Variants in TUSC3 observed in about 807,000 individuals in gnomAD.
TUSC3 encodes dolichyl-diphosphooligosaccharide--protein glycosyltransferase subunit TUSC3.
Under a neutral mutation model 44.8 loss-of-function variants are expected in TUSC3, and 45 were observed. That is an observed-to-expected ratio of 1.00 (90% CI 0.79 to 1.29). The LOEUF is 1.29. TUSC3 is among the 50% of genes most tolerant of loss of function. The pLI is 0.00. For synonymous variants in TUSC3, 212 were observed against 152.9 expected, an observed-to-expected ratio of 1.39 and a Z score of -2.85; for missense variants, 519 against 437.9, an observed-to-expected ratio of 1.19 and a Z score of -1.65.
At chr8:15,483,363 G>T in intron 1 of TUSC3, 1 of 220,942 alleles carries the variant, frequency 4.5e-6, no homozygotes, top group Non-Finnish European at 9.2e-6. Flanking sequence ...TTTTTGAGAC[G>T]GAGTTTCACT....
At chr8:15,487,899 ATTTT>A (rs11307186) in intron 2 of TUSC3, among the ~76,000 whole-genome samples, 4 of 138,362 alleles carry the variant, frequency 2.9e-5, no homozygotes, top group Non-Finnish European at 4.7e-5. Context: ...TGTGCTGGCA[ATTTT>A]TTTTTTTTTT....
chr8:15,610,121 A>G (rs1472624670), intron 1 of TUSC3, among the ~76,000 whole-genome samples: 7 of 152,148 alleles, frequency 4.6e-5, no homozygotes, highest in African/African-American at 1.4e-4. Flanking sequence ...TGATGAATAA[A>G]TTATAATCAG....
At chr8:15,468,301 C>G (rs1800440527) in intron 1 of TUSC3, among the ~76,000 whole-genome samples, 1 of 152,128 alleles carries the variant, frequency 6.6e-6, no homozygotes, top group Admixed American at 6.6e-5. Context: ...AAATAGAAGC[C>G]CACTGGGTGT....
Position 15,444,008 on chromosome 8 carries a change from C to T in TUSC3, n.91+26703C>T, listed in dbSNP as rs1037251676. On this transcript the variant is annotated intron_variant and non_coding_transcript_variant, in intron 1 of 5. Transcript: ENST00000503191. The stretch of plus-strand genomic sequence containing the variant: ...TTAAAAACTCTGACCCCTGAATGCT[C>T]GGGGAAACTGATTTAAGTAGTAATA... 3.6e-4 allele frequency among the ~76,000 whole-genome samples: 55 copies of T among 152,270 alleles called. 1 individual carries two copies. The highest frequency in any genetic ancestry group is 2.5e-3 in the Admixed American group (39 of 15,298).
chr8:15,460,177 C>G (rs925897509), intron 1 of TUSC3, among the ~76,000 whole-genome samples: 3 of 152,118 alleles, frequency 2.0e-5, no homozygotes, highest in Admixed American at 6.5e-5. Context: ...GTTCCCTGAT[C>G]TCTGCATCCA....
chr8:15,717,420 G>A (rs1810099177), intron 6 of TUSC3, among the ~76,000 whole-genome samples: 2 of 151,954 alleles, frequency 1.3e-5, no homozygotes, highest in Admixed American at 1.3e-4. Context: ...ATGTGATTTT[G>A]TTCATAGAAA....
chr8:15,629,656 T>C (rs990937160), intron 2 of TUSC3, among the ~76,000 whole-genome samples: 7 of 151,644 alleles, frequency 4.6e-5, no homozygotes, highest in African/African-American at 1.7e-4. Context: ...TATAATTGTT[T>C]AGGATCTTTG....
chr8:15,710,886 A>AAT (rs574835292), intron 6 of TUSC3, among the ~76,000 whole-genome samples: 2,625 of 147,988 alleles, frequency 0.018, 84 homozygotes, highest in African/African-American at 0.062. Context: ...TATAATATAA[A>AAT]ATATATATAT....
At chr8:15,791,805 C>G in the TUSC3 span, among the ~76,000 whole-genome samples, 1 of 152,090 alleles carries the variant, frequency 6.6e-6, no homozygotes, top group Non-Finnish European at 1.5e-5. Context: ...GTTTTTGTAT[C>G]TTCATAAAAT....
At chr8:15,726,390 G>A (rs10888110) in intron 6 of TUSC3, among the ~76,000 whole-genome samples, 36,109 of 151,974 alleles carry the variant, frequency 0.24, 4,774 homozygotes, top group African/African-American at 0.37. Flanking sequence ...TTTGTCTTCT[G>A]CATAAAATTG....
In TUSC3 at chr8:15,554,663, C is replaced by T. The variant is rs533417571; in HGVS notation, c.138+14095C>T. Among the ~76,000 whole-genome samples, 15 of 136,598 alleles carry T rather than the reference C, an allele frequency of 1.1e-4. No homozygotes were observed. The East Asian group carries it at 2.4e-3, about 22-fold the overall frequency. 89.6% of individuals were successfully genotyped at this position (136,598 alleles called of 152,430 possible). A position where few individuals can be genotyped will look rare whatever the true frequency, so the allele number is the denominator to read the frequency against. On this transcript the variant is annotated intron_variant, in intron 1 of 10. Transcript: ENST00000503731. ...TGTCGCCCAGGCTGGAGTGCAGTGGCGTGATTTCAGCTCACTGCAAGCTCT... is the reference window on the plus strand; with the variant it reads ...TGTCGCCCAGGCTGGAGTGCAGTGGTGTGATTTCAGCTCACTGCAAGCTCT...
At chr8:15,670,019 T>A (rs892347781) in intron 5 of TUSC3, among the ~76,000 whole-genome samples, 1 of 151,830 alleles carries the variant, frequency 6.6e-6, no homozygotes, top group Non-Finnish European at 1.5e-5. Context: ...TTTAAAAAAA[T>A]CTATTGTCAT....
chr8:15,658,008 TCATCCCACC>T (rs1169465533), intron 3 of TUSC3, among the ~76,000 whole-genome samples: 1 of 152,156 alleles, frequency 6.6e-6, no homozygotes, highest in Admixed American at 6.5e-5. Context: ...ATAATAGCAC[TCATCCCACC>T]CATGAGAGTG....
At chr8:15,810,946 G>A in the TUSC3 span, among the ~76,000 whole-genome samples, 1 of 152,174 alleles carries the variant, frequency 6.6e-6, no homozygotes, top group South Asian at 2.1e-4. Context: ...CAGATGCTGG[G>A]TGAGTAAGGA....
chr8:15,701,500 G>A (rs892016220), intron 6 of TUSC3, among the ~76,000 whole-genome samples: 5 of 152,096 alleles, frequency 3.3e-5, no homozygotes, highest in African/African-American at 1.2e-4. Flanking sequence ...AGTTAATTTT[G>A]TAGTCGATAT....
chr8:15,467,943 A>G (rs868500435), intron 1 of TUSC3, among the ~76,000 whole-genome samples: 2 of 152,324 alleles, frequency 1.3e-5, no homozygotes, highest in Middle Eastern at 6.8e-3. Context: ...ACAAATTTTA[A>G]AAACTAGTTA....
rs372396956 is a variant in TUSC3 at position 15,662,385 on chromosome 8, C to G, written c.708+89C>G. The stretch of plus-strand genomic sequence containing the variant: ...TATTAACAAAATGAGCCAGATATAA[C>G]TATAATAGAACTTAAGTCTGAATGA... On this transcript the variant is annotated intron_variant, in intron 5 of 10. Transcript: ENST00000503731. 6.7e-5 allele frequency: 104 copies of G among 1,554,558 alleles called. No individual in the cohort carries two copies. In the East Asian group the frequency reaches 1.9e-3, roughly 28 times the overall value.
intron 6 of TUSC3, among the ~76,000 whole-genome samples, chr8:15,679,950 A>C (rs1277528610): frequency 6.6e-6 from 1 of 151,944 alleles, no homozygotes; most frequent in Non-Finnish European, 1.5e-5. Flanking sequence ...CTGCATGTCT[A>C]TTTTTGTACC....
chr8:15,680,383 C>T lies in TUSC3; in HGVS notation c.798+6547C>T, dbSNP rs1319635693. ...TGGCAGTTGTGAATAAGAATGTGTT[C>T]TTGATTTGGTTCTTGACTTGAACGT... On this transcript the variant is annotated intron_variant, in intron 6 of 10. Coordinates refer to ENST00000503731, the MANE Select transcript of TUSC3 (RefSeq NM_006765.4). 2.0e-5 allele frequency among the ~76,000 whole-genome samples: 3 copies of T among 151,700 alleles called. No individual in the cohort carries two copies. In the East Asian group the frequency reaches 5.8e-4, roughly 29 times the overall value.
Sources: allele counts gnomAD v4.1 joint callset (sites outside exome capture counted in the v4.1 genomes callset), GRCh38; gene constraint gnomAD v4.1.1; transcripts MANE v1.5; gene names NCBI Gene and HGNC (gene_info 2026-07-23, HGNC 2026-07-21).